PCLO: variants seen among roughly 807,000 people sequenced by gnomAD.
PCLO encodes piccolo presynaptic cytomatrix protein.
In PCLO, 82 loss-of-function variants were observed where a neutral mutation model predicts 427.5. That is an observed-to-expected ratio of 0.19 (90% CI 0.16 to 0.23). The LOEUF is 0.23. Among genes scored for constraint, PCLO ranks in the 10% least tolerant of loss-of-function variants. The probability of loss-of-function intolerance (pLI) is 1.00; values close to 1 mark genes in which losing one functional copy is unlikely to be tolerated. For synonymous variants in PCLO, 2,357 were observed against 2,155.4 expected (o/e 1.09, Z -2.59); for missense variants, 6,239 against 6,115.9 (o/e 1.02, Z -0.67).
chr7:82,966,764 C>T (rs1795784498), intron 3 of PCLO, among the ~76,000 whole-genome samples: 2 of 151,736 alleles, frequency 1.3e-5, no homozygotes, highest in Admixed American at 1.3e-4. Flanking sequence ...AAACGTGGAC[C>T]CAGAGAAATA....
chr7:83,133,299 T>G (rs1030145881), intron 3 of PCLO, among the ~76,000 whole-genome samples: 1 of 152,022 alleles, frequency 6.6e-6, no homozygotes, highest in Non-Finnish European at 1.5e-5. Context: ...AAATTATTCT[T>G]AAGTATTTTT....
rs1791872607 is a variant in PCLO, at chr7:82,824,231, C to T, written c.14596+5G>A. 2.5e-6 allele frequency: 4 copies of T among 1,588,702 alleles called. No individual in the cohort carries two copies. Among genetic ancestry groups the T allele is most frequent in the African/African-American group, 2.7e-5 (2 of 74,088 alleles). ...ACTTTTTCTACTTAAAAAAATATTT[C>T]CTACCCTTTGATGGGTCAGGGAAGA... is the stretch of plus-strand genomic sequence containing the variant. On this transcript the variant is annotated splice_donor_5th_base_variant and intron_variant, in intron 19 of 24. Transcript: ENST00000333891.
rs371392341 is a variant in PCLO at position 82,915,143 on chromosome 7, C to T, written c.12843G>A (p.Lys4281=). Residue 4281 remains lysine, a synonymous_variant, in exon 7 of 25, where the codon AAG becomes AAA. Coordinates refer to ENST00000333891, the MANE Select transcript of PCLO (RefSeq NM_033026.6). ...IRSALQDEAD[K]PYSSGSRSRP... is the part of the protein sequence containing the mutation. ...TGGACCTGCTGCCACTACTGTATGG[C>T]TTATCCGCTTCATCCTGCAGAGCTG... 6.3e-7 allele frequency: 1 copy of T among 1,590,976 alleles called. No homozygotes were observed. Among genetic ancestry groups the T allele is most frequent in the Non-Finnish European group, 8.6e-7 (1 of 1,167,746 alleles).
chr7:83,066,185 C>T (rs1562947330), intron 3 of PCLO, among the ~76,000 whole-genome samples: 1 of 152,090 alleles, frequency 6.6e-6, no homozygotes, highest in Non-Finnish European at 1.5e-5. Flanking sequence ...AGAAGTCAAT[C>T]AAGAAGTTAA....
intron 9 of PCLO, among the ~76,000 whole-genome samples, chr7:82,883,926 C>T (rs7787014): frequency 0.095 from 14,380 of 152,116 alleles, 2,287 homozygotes; most frequent in African/African-American, 0.32. Flanking sequence ...CCTGCCACCA[C>T]GCCCAGCTAA....
At chr7:83,141,853 A>G (rs1791870006) in intron 2 of PCLO, among the ~76,000 whole-genome samples, 2 of 152,246 alleles carry the variant, frequency 1.3e-5, no homozygotes, top group Admixed American at 6.5e-5. Flanking sequence ...GCTATTGATT[A>G]CCAAAAAATT....
At chr7:82,820,013 G>A (rs550604715) in intron 20 of PCLO, among the ~76,000 whole-genome samples, 15 of 152,144 alleles carry the variant, frequency 9.9e-5, no homozygotes, top group Admixed American at 9.2e-4. Flanking sequence ...CACTGGCAGT[G>A]GCACTCTTTC....
chr7:83,101,740 A>C (rs2075693777), intron 3 of PCLO, among the ~76,000 whole-genome samples: 1 of 152,148 alleles, frequency 6.6e-6, no homozygotes, highest in Admixed American at 6.6e-5. Flanking sequence ...TTCCAAAATT[A>C]ACTTTGCCAA....
At chr7:82,965,313 TTTC>T (rs1326252964) in intron 4 of PCLO, among the ~76,000 whole-genome samples, 1 of 149,610 alleles carries the variant, frequency 6.7e-6, no homozygotes, top group African/African-American at 2.5e-5. Flanking sequence ...TTTTTCTTTC[TTTC>T]TTTTTTTTTT....
intron 6 of PCLO, among the ~76,000 whole-genome samples, chr7:82,921,327 T>C (rs1794591041): frequency 6.6e-6 from 1 of 151,652 alleles, no homozygotes; most frequent in African/African-American, 2.4e-5. Flanking sequence ...GCTAGGGGCA[T>C]TATACTATCC....
At chr7:82,905,109 G>C (rs1794154617) in intron 8 of PCLO, among the ~76,000 whole-genome samples, 1 of 152,054 alleles carries the variant, frequency 6.6e-6, no homozygotes, top group Admixed American at 6.6e-5. Context: ...CCAAGGGGCA[G>C]AACTGATGTC....
At chr7:82,759,657 T>A (rs1790389254) in intron 24 of PCLO, among the ~76,000 whole-genome samples, 1 of 151,972 alleles carries the variant, frequency 6.6e-6, no homozygotes. Flanking sequence ...TCTCAATACA[T>A]TTTTGCTTTG....
chr7:83,091,691 T>C (rs1241579607), intron 3 of PCLO, among the ~76,000 whole-genome samples: 3 of 152,186 alleles, frequency 2.0e-5, no homozygotes, highest in South Asian at 2.1e-4. Context: ...AAATGTTCAA[T>C]TGATTTTGCA....
chr7:82,798,599 C>A (rs948448628), intron 22 of PCLO, among the ~76,000 whole-genome samples: 2 of 152,304 alleles, frequency 1.3e-5, no homozygotes, highest in East Asian at 1.9e-4. Flanking sequence ...CATTCTTAAT[C>A]ATTTTCTCCT....
intron 3 of PCLO, among the ~76,000 whole-genome samples, chr7:82,969,122 GCT>G (rs1795847244): frequency 6.6e-6 from 1 of 152,090 alleles, no homozygotes; most frequent in Non-Finnish European, 1.5e-5. Context: ...ATGGTACATG[GCT>G]CTTGGCACAA....
In PCLO at chr7:82,914,976, G is replaced by A. The variant is rs1234330389; in HGVS notation, c.13010C>T (p.Thr4337Ile). 1.5e-5 allele frequency: 25 copies of A among 1,613,590 alleles called. No homozygotes were observed. Among genetic ancestry groups the A allele is most frequent in the Non-Finnish European group, 1.9e-5 (23 of 1,179,754 alleles). The change falls in exon 7 of 25, where the codon ACT becomes ATT. Residue 4337 changes from threonine (T) to isoleucine (I), a missense_variant. By Grantham distance (89) the Thr-to-Ile change is moderately conservative (BLOSUM62 -1). Around this residue, in one of 5 missense-constraint regions of PCLO, gnomAD observed 680 missense variants for 677.3 expected, o/e 1.00. Coordinates refer to ENST00000333891, the MANE Select transcript of PCLO (RefSeq NM_033026.6). The stretch of plus-strand genomic sequence containing the variant: ...ACTAATTGGCAAACTGGTCGGCTTA[G>A]TTCTGGCAGAGGATGATGCATGACT... Reference protein sequence around the residue: ...SFSHASSSARTKPTSLPISQS... With the variant: ...SFSHASSSARIKPTSLPISQS...
chr7:83,142,909 G>C (rs1489759493), intron 2 of PCLO, among the ~76,000 whole-genome samples: 1 of 151,946 alleles, frequency 6.6e-6, no homozygotes, highest in Non-Finnish European at 1.5e-5. Context: ...AGTGAGTTGA[G>C]ATCATGCCAC....
intron 6 of PCLO, among the ~76,000 whole-genome samples, chr7:82,933,883 C>T (rs1022845685): frequency 1.3e-5 from 2 of 151,736 alleles, no homozygotes; most frequent in African/African-American, 4.8e-5. Flanking sequence ...TAATGTGGTG[C>T]CTTAAGATTA....
intron 3 of PCLO, among the ~76,000 whole-genome samples, chr7:83,086,598 G>C (rs928394708): frequency 6.6e-6 from 1 of 152,120 alleles, no homozygotes; most frequent in Non-Finnish European, 1.5e-5. Flanking sequence ...CGATTATCAT[G>C]AGTACGGCAT....
Sources: allele counts gnomAD v4.1 joint callset (sites outside exome capture counted in the v4.1 genomes callset), GRCh38; gene constraint gnomAD v4.1.1; regional missense constraint gnomAD v4.1.1; transcripts MANE v1.5; gene names NCBI Gene and HGNC (gene_info 2026-07-23, HGNC 2026-07-21).